TRHDE: variants seen among roughly 807,000 people sequenced by gnomAD.
The protein encoded by TRHDE is thyrotropin-releasing hormone-degrading ectoenzyme.
In TRHDE, 72 loss-of-function variants were observed where a neutral mutation model predicts 125.7. The ratio of observed to expected loss-of-function variants is 0.57; its 90% confidence interval spans 0.47 to 0.70. The LOEUF is 0.70. Ranked by LOEUF, TRHDE falls within the 30% of genes least tolerant of loss-of-function variation. The probability of loss-of-function intolerance (pLI) is 0.00; values close to 1 mark genes in which losing one functional copy is unlikely to be tolerated. For synonymous variants in TRHDE, 509 were observed against 509.1 expected, an observed-to-expected ratio of 1.00 and a Z score of 0.00; for missense variants, 1,110 against 1,327.1, an observed-to-expected ratio of 0.84 and a Z score of 2.54.
intron 12 of TRHDE, among the ~76,000 whole-genome samples, chr12:72,614,307 C>CATATGTATATAT (rs200061199): frequency 5.8e-4 from 61 of 104,302 alleles, no homozygotes; most frequent in African/African-American, 3.0e-3. Context: ...ATTATATATA[C>CATATGTATATAT]ATATGTATAT....
At chr12:72,308,360 A>G (rs1868388688) in intron 2 of TRHDE, among the ~76,000 whole-genome samples, 2 of 152,122 alleles carry the variant, frequency 1.3e-5, no homozygotes, top group South Asian at 4.2e-4. Context: ...TCATTTTTAC[A>G]TCAGTGGATG....
intron 2 of TRHDE, among the ~76,000 whole-genome samples, chr12:72,310,740 T>C (rs1868505027): frequency 6.6e-6 from 1 of 152,164 alleles, no homozygotes. Context: ...AAGTTTTTGC[T>C]TCCCTCGTGG....
intron 12 of TRHDE, among the ~76,000 whole-genome samples, chr12:72,578,984 G>GTTTT (rs3081947): frequency 0.11 from 14,903 of 135,724 alleles, 1,076 homozygotes; most frequent in East Asian, 0.35. Flanking sequence ...ACTGTTTAGT[G>GTTTT]TTTTTTTTTT....
At chr12:72,439,824 G>C (rs1200740469) in intron 3 of TRHDE, among the ~76,000 whole-genome samples, 1 of 151,780 alleles carries the variant, frequency 6.6e-6, no homozygotes, top group African/African-American at 2.4e-5. Flanking sequence ...TCTTGCTCCA[G>C]ATCTTAGAGA....
At chr12:72,326,718 C>T (rs1869357638) in intron 2 of TRHDE, among the ~76,000 whole-genome samples, 1 of 152,148 alleles carries the variant, frequency 6.6e-6, no homozygotes, top group African/African-American at 2.4e-5. Flanking sequence ...AGAAAATCAT[C>T]TTTATTACTA....
chr12:72,621,659 A>C lies in TRHDE; in HGVS notation c.2583A>C (p.Glu861Asp). 1 of 1,606,870 alleles carries C rather than the reference A, an allele frequency of 6.2e-7. No individual in the cohort carries two copies. Among genetic ancestry groups the C allele is most frequent in the Non-Finnish European group, 8.5e-7 (1 of 1,177,500 alleles). ...TGATATCTAGAGAACTACGTAGAGAAGTTATAATGCTGGCCTGCAGTTTTG... is the reference window on the plus strand; with the variant it reads ...TGATATCTAGAGAACTACGTAGAGACGTTATAATGCTGGCCTGCAGTTTTG... ...ASYQHEELRR[E>D]VIMLACSFGN... The change falls in exon 15 of 19, where the codon GAA (glutamate) becomes GAC (aspartate). Residue 861 changes from glutamate (E) to aspartate (D), a missense_variant. This residue lies in a region of TRHDE where 527 missense variants were observed against 651.8 expected (regional missense o/e 0.81). Transcript: ENST00000261180.
At chr12:72,413,375 G>C (rs181700555) in intron 3 of TRHDE, among the ~76,000 whole-genome samples, 144 of 151,556 alleles carry the variant, frequency 9.5e-4, no homozygotes, top group African/African-American at 3.1e-3. Context: ...CTTGAAATGT[G>C]GCTAATTAAA....
intron 2 of TRHDE, among the ~76,000 whole-genome samples, chr12:72,265,870 CA>C (rs1386488694): frequency 6.6e-6 from 1 of 151,620 alleles, no homozygotes; most frequent in African/African-American, 2.4e-5. Context: ...CACTGTAGTT[CA>C]AAATTAGCTT....
chr12:72,583,502 T>G (rs915566013), intron 12 of TRHDE, among the ~76,000 whole-genome samples: 1 of 152,204 alleles, frequency 6.6e-6, no homozygotes, highest in Non-Finnish European at 1.5e-5. Flanking sequence ...CATTCCTGTT[T>G]TATACCTTTC....
At chr12:72,342,880 G>A (rs1471578170) in intron 2 of TRHDE, among the ~76,000 whole-genome samples, 2 of 152,002 alleles carry the variant, frequency 1.3e-5, no homozygotes, top group African/African-American at 2.4e-5. Flanking sequence ...TCATGATAAC[G>A]CTAATAATTA....
intron 2 of TRHDE, among the ~76,000 whole-genome samples, chr12:72,108,644 G>GACGAAGTGACAAAACTTCGCAAC (rs1486341137): frequency 6.6e-6 from 1 of 152,092 alleles, no homozygotes; most frequent in African/African-American, 2.4e-5. Flanking sequence ...CTTCTGCAGT[G>GACGAAGTGACAAAACTTCGCAAC]ACAGGTATTT....
rs142298991 is a variant in TRHDE at position 72,655,011 on chromosome 12, G to A, written c.2984+1855G>A. On this transcript the variant is annotated intron_variant, in intron 17 of 18. Transcript: ENST00000261180. Reference sequence around the variant, plus strand: ...TATGTCCTCTGCATATTTTGTCAGCGTCTTGTTCTTCAATCTTCAGGCTCA... The same window carrying A: ...TATGTCCTCTGCATATTTTGTCAGCATCTTGTTCTTCAATCTTCAGGCTCA... Among the ~76,000 whole-genome samples, 1,380 of 152,218 alleles carry A rather than the reference G, an allele frequency of 9.1e-3. 10 individuals are homozygous for A. Among genetic ancestry groups the A allele is most frequent in the Middle Eastern group, 0.031 (9 of 294 alleles).
At chr12:72,508,351 C>T (rs1156268612) in intron 6 of TRHDE, among the ~76,000 whole-genome samples, 2 of 152,226 alleles carry the variant, frequency 1.3e-5, no homozygotes, top group Admixed American at 6.5e-5. Context: ...CCCAAAGCTA[C>T]AGGGGCAGAG....
intron 3 of TRHDE, among the ~76,000 whole-genome samples, chr12:72,419,800 A>G (rs1873877718): frequency 6.6e-6 from 1 of 152,204 alleles, no homozygotes. Flanking sequence ...ATAGTCTAGC[A>G]AATTGTGGTT....
At chr12:72,341,806 T>C (rs557541286) in intron 2 of TRHDE, among the ~76,000 whole-genome samples, 1 of 152,280 alleles carries the variant, frequency 6.6e-6, no homozygotes, top group East Asian at 1.9e-4. Context: ...CGGACAAATG[T>C]ATTTGTCGAA....
intron 12 of TRHDE, among the ~76,000 whole-genome samples, chr12:72,615,773 C>A (rs1872790098): frequency 6.6e-6 from 1 of 152,080 alleles, no homozygotes; most frequent in Admixed American, 6.6e-5. Context: ...GGATAAGATA[C>A]AATGGAAATT....
intron 12 of TRHDE, among the ~76,000 whole-genome samples, chr12:72,580,992 C>T (rs1469891339): frequency 2.6e-5 from 4 of 151,760 alleles, no homozygotes; most frequent in African/African-American, 9.7e-5. Context: ...GAAATACCAT[C>T]GGGAGAGTGA....
chr12:72,555,583 C>CTTAAAATT (rs1869882889), intron 7 of TRHDE, among the ~76,000 whole-genome samples: 2 of 151,964 alleles, frequency 1.3e-5, no homozygotes, highest in African/African-American at 4.8e-5. Flanking sequence ...CTCATTTTTA[C>CTTAAAATT]TTAATCTTAA....
chr12:72,647,608 C>A, intron 15 of TRHDE, among the ~76,000 whole-genome samples: 1 of 151,716 alleles, frequency 6.6e-6, no homozygotes, highest in African/African-American at 2.4e-5. Context: ...CAACTGATGC[C>A]ACAGACATAA....
Sources: gnomAD v4.1 joint callset for allele counts (sites outside exome capture counted in the v4.1 genomes callset) on GRCh38, gnomAD v4.1.1 for gene constraint, gnomAD v4.1.1 regional missense constraint, MANE v1.5 for transcripts, NCBI Gene and HGNC (gene_info 2026-07-23, HGNC 2026-07-21) for gene names.